EIF4E3: variants seen among roughly 807,000 people sequenced by gnomAD.
The protein encoded by EIF4E3 is eukaryotic translation initiation factor 4E type 3.
EIF4E3 carries 26 observed loss-of-function variants against 31.7 expected under a neutral mutation model. That is an observed-to-expected ratio of 0.82 (90% CI 0.60 to 1.14). The LOEUF (loss-of-function observed/expected upper bound fraction) is 1.14. EIF4E3 is among the 50% of genes most tolerant of loss of function. The pLI is 0.00. For missense variants in EIF4E3, 304 were observed against 270.9 expected (o/e 1.12, Z -0.86); for synonymous variants, 128 against 107.7 (o/e 1.19, Z -1.17).
At chr3:71,712,895 AT>A (rs2049404215) in intron 1 of EIF4E3, among the ~76,000 whole-genome samples, 1 of 147,298 alleles carries the variant, frequency 6.8e-6, no homozygotes, top group Non-Finnish European at 1.5e-5. Flanking sequence ...TTTGCTATAT[AT>A]GGTTCTTTTT....
rs968900715 is a variant in EIF4E3, at chr3:71,678,350, T to C, written c.*6332A>G. ...CACTTAAACAAACCCTGTGAACTAC[T>C]ACCCTGAAAAATGAAGAAGCACAAA... On this transcript the variant is annotated 3_prime_UTR_variant, in exon 7 of 7. Transcript: ENST00000425534. The C allele has an allele frequency of 2.6e-5, 4 of 152,196 alleles. No homozygotes were observed. The highest frequency in any genetic ancestry group is 7.2e-5 in the African/African-American group (3 of 41,458). The allele number at this position is 152,196 out of a possible 1,614,324, so 9.4% of individuals were successfully genotyped here. A position where few individuals can be genotyped will look rare whatever the true frequency, so the allele number is the denominator to read the frequency against.
chr3:71,674,950 C>A (rs1242543169), downstream of EIF4E3, among the ~76,000 whole-genome samples: 1 of 152,198 alleles, frequency 6.6e-6, no homozygotes, highest in East Asian at 1.9e-4. Context: ...AAACTAAGCT[C>A]TTTGCATTGC....
chr3:71,680,932 T>C lies in EIF4E3; in HGVS notation c.*3750A>G, dbSNP rs1375842865. On this transcript the variant is annotated 3_prime_UTR_variant, in exon 7 of 7. Transcript: ENST00000425534. ...CATACAATGTAGGAAAGGTGAAGGG[T>C]AGAATTACATTTTTAAAAGGAAGTT... 2 of 152,172 alleles carry C rather than the reference T, an allele frequency of 1.3e-5. No homozygotes were observed. The highest frequency in any genetic ancestry group is 1.5e-5 in the Non-Finnish European group (1 of 68,032). The allele number at this position is 152,172 out of a possible 1,614,324, so 9.4% of individuals were successfully genotyped here. A position where few individuals can be genotyped will look rare whatever the true frequency, so the allele number is the denominator to read the frequency against.
rs1000190302 is a variant in EIF4E3, at chr3:71,712,012, C to T, written c.177-1528G>A. On this transcript the variant is annotated intron_variant, in intron 1 of 6. Coordinates refer to ENST00000425534, the MANE Select transcript of EIF4E3 (RefSeq NM_001134651.2). Reference sequence around the variant, plus strand: ...AAACAAAAAATGCAATTCTGAATACCGCTTCCTTATCAGAAGGTCACTAAA... The same window carrying T: ...AAACAAAAAATGCAATTCTGAATACTGCTTCCTTATCAGAAGGTCACTAAA... 2.0e-5 allele frequency among the ~76,000 whole-genome samples: 3 copies of T among 152,058 alleles called. No homozygotes were observed. In the East Asian group the frequency reaches 5.8e-4, roughly 29 times the overall value.
intron 2 of EIF4E3, among the ~76,000 whole-genome samples, chr3:71,702,822 T>G (rs1030919087): frequency 6.6e-6 from 1 of 151,908 alleles, no homozygotes; most frequent in Non-Finnish European, 1.5e-5. Context: ...TGTCTGCTGG[T>G]GAAATACCTA....
chr3:71,686,652 T>G (rs1280530434), intron 6 of EIF4E3, among the ~76,000 whole-genome samples: 2 of 152,022 alleles, frequency 1.3e-5, no homozygotes, highest in Non-Finnish European at 2.9e-5. Flanking sequence ...AATTACACTA[T>G]GCTTCAGGGT....
chr3:71,733,091 A>G (rs574518604), intron 1 of EIF4E3, among the ~76,000 whole-genome samples: 9 of 152,224 alleles, frequency 5.9e-5, no homozygotes, highest in Non-Finnish European at 1.3e-4. Flanking sequence ...TTGGGGATCT[A>G]GAGACAGGTG....
At chr3:71,693,604 A>G (rs1055852608) in intron 5 of EIF4E3, among the ~76,000 whole-genome samples, 1 of 152,212 alleles carries the variant, frequency 6.6e-6, no homozygotes, top group African/African-American at 2.4e-5. Flanking sequence ...TATAGATACT[A>G]TTAAATTAAG....
At chr3:71,699,988 T>C (rs72949472) in intron 2 of EIF4E3, among the ~76,000 whole-genome samples, 24,424 of 151,966 alleles carry the variant, frequency 0.16, 2,075 homozygotes, top group East Asian at 0.37. Context: ...ACCTGGGCAA[T>C]GTGGCAAGAT....
chr3:71,669,646 C>T, the EIF4E3 span, among the ~76,000 whole-genome samples: 1 of 151,676 alleles, frequency 6.6e-6, no homozygotes, highest in East Asian at 1.9e-4. Context: ...TCTTCCCAGA[C>T]TCTGGTAACA....
rs181699269 is a variant in EIF4E3, at chr3:71,744,369, C to T, written c.-291+9094G>A. Among the ~76,000 whole-genome samples, 43 of 152,114 alleles carry T rather than the reference C, an allele frequency of 2.8e-4. 1 individual carries two copies. The highest frequency in any genetic ancestry group is 9.9e-4 in the African/African-American group (41 of 41,488). On this transcript the variant is annotated intron_variant, in intron 1 of 7. Transcript: ENST00000295612. Reference sequence around the variant, plus strand: ...AATATCATTGGTCATAATTGCCAACCCAGTAGAATTTTATTCCCAGCCAAA... The same window carrying T: ...AATATCATTGGTCATAATTGCCAACTCAGTAGAATTTTATTCCCAGCCAAA...
chr3:71,732,588 C>G (rs2049717867), intron 1 of EIF4E3, among the ~76,000 whole-genome samples: 1 of 152,220 alleles, frequency 6.6e-6, no homozygotes, highest in Admixed American at 6.5e-5. Context: ...ATGTGCAACC[C>G]TGTAATAAAC....
intron 5 of EIF4E3, among the ~76,000 whole-genome samples, chr3:71,691,253 A>C (rs530557960): frequency 9.2e-5 from 14 of 152,324 alleles, no homozygotes; most frequent in Non-Finnish European, 1.9e-4. Context: ...TGTAAATCTA[A>C]ATATTCATGC....
intron 1 of EIF4E3, among the ~76,000 whole-genome samples, chr3:71,752,594 TA>T (rs1383595296): frequency 6.6e-6 from 1 of 152,222 alleles, no homozygotes; most frequent in Non-Finnish European, 1.5e-5. Context: ...ATGCGTTGCT[TA>T]ATTCTGGCTT....
chr3:71,668,778 C>T, the EIF4E3 span, among the ~76,000 whole-genome samples: 6 of 152,126 alleles, frequency 3.9e-5, no homozygotes, highest in South Asian at 2.1e-4. Flanking sequence ...GAAATAGGAA[C>T]GCTTTTACAC....
rs892294448 is a variant in EIF4E3, at chr3:71,684,378, A to C, written c.*304T>G. The C allele has an allele frequency of 1.7e-5, 5 of 289,210 alleles. No homozygotes were observed. Among genetic ancestry groups the C allele is most frequent in the Non-Finnish European group, 3.2e-5 (5 of 156,756 alleles). The allele number at this position is 289,210 out of a possible 1,614,324, so 17.9% of individuals were successfully genotyped here. ...TAGAAAACAATAATTAGGCTGAATAAGGAATTTTAAACGGCAAAAAAAAAA... is the reference window on the plus strand; with the variant it reads ...TAGAAAACAATAATTAGGCTGAATACGGAATTTTAAACGGCAAAAAAAAAA... On this transcript the variant is annotated 3_prime_UTR_variant, in exon 7 of 7. Transcript: ENST00000425534.
chr3:71,707,683 C>A (rs2049313427), intron 2 of EIF4E3, among the ~76,000 whole-genome samples: 2 of 151,910 alleles, frequency 1.3e-5, no homozygotes, highest in Non-Finnish European at 2.9e-5. Flanking sequence ...CACAGAGACA[C>A]CGTATGTTTA....
At position 71,686,780 on chromosome 3, in the gene EIF4E3, A is replaced by G. The variant is rs188031994; in HGVS notation, c.629-2052T>C. 2.0e-5 allele frequency among the ~76,000 whole-genome samples: 3 copies of G among 152,262 alleles called. No individual in the cohort carries two copies. The East Asian group carries it at 5.8e-4, about 29-fold the overall frequency. ...GTGAGGGGCAGTCTGGGGTGGTCAT[A>G]GTTGCAAACTACAATGTTGATGGGT... On this transcript the variant is annotated intron_variant, in intron 6 of 6. Transcript: ENST00000425534.
chr3:71,721,611 C>G (rs1017266188), intron 1 of EIF4E3, among the ~76,000 whole-genome samples: 2 of 152,076 alleles, frequency 1.3e-5, no homozygotes, highest in African/African-American at 2.4e-5. Flanking sequence ...CTCATGAGAT[C>G]TGATGATTTT....
Sources: allele counts gnomAD v4.1 joint callset (sites outside exome capture counted in the v4.1 genomes callset), GRCh38; gene constraint gnomAD v4.1.1; transcripts MANE v1.5; gene names NCBI Gene and HGNC (gene_info 2026-07-23, HGNC 2026-07-21).